PLEKHA1: variants seen among roughly 807,000 people sequenced by gnomAD.
The protein encoded by PLEKHA1 is pleckstrin homology domain-containing family A member 1.
Under a neutral mutation model 52.0 loss-of-function variants are expected in PLEKHA1, and 34 were observed. The ratio of observed to expected loss-of-function variants is 0.65; its 90% CI spans 0.50 to 0.87. The LOEUF (loss-of-function observed/expected upper bound fraction) is 0.87. Ranked by LOEUF, PLEKHA1 falls within the 40% of genes least tolerant of loss-of-function variation. The pLI is 0.00. For synonymous variants in PLEKHA1, 163 were observed against 170.7 expected (o/e 0.95, Z 0.35); for missense variants, 497 against 504.2 (o/e 0.99, Z 0.14).
chr10:122,404,882 G>T (rs550835122), intron 4 of PLEKHA1, among the ~76,000 whole-genome samples: 1 of 152,294 alleles, frequency 6.6e-6, no homozygotes, highest in Non-Finnish European at 1.5e-5. Context: ...TTTTCCTTGA[G>T]AGTTTGCATT....
chr10:122,441,669 C>A, the PLEKHA1 span: 4 of 152,216 alleles, frequency 2.6e-5, no homozygotes, highest in African/African-American at 9.6e-5. Context: ...GTGCATGAAC[C>A]GGCTCTGACC....
Position 122,430,536 on chromosome 10 carries a change from G to A in PLEKHA1, c.*598G>A, listed in dbSNP as rs2097407287. On this transcript the variant is annotated 3_prime_UTR_variant, in exon 12 of 12. Transcript: ENST00000368990. ...TGGATAGACCAACAGTAAGGGTTGT[G>A]GGTTATACCGGCATAGAGAAAAGAA... The A allele has an allele frequency of 6.6e-6, 1 of 152,586 alleles. No individual in the cohort carries two copies. The highest frequency in any genetic ancestry group is 1.5e-5 in the Non-Finnish European group (1 of 68,068). 9.5% of individuals were successfully genotyped at this position (152,586 alleles called of 1,614,324 possible).
chr10:122,425,007 A>G, intron 10 of PLEKHA1, 48 bp downstream of exon 10: 1 of 1,494,054 alleles, frequency 6.7e-7, no homozygotes. Flanking sequence ...AAAGAAATTA[A>G]TAATATTAGA....
chr10:122,429,725 C>G lies in PLEKHA1; in HGVS notation c.1002C>G (p.Val334=). The G allele has an allele frequency of 6.2e-7, 1 of 1,614,152 alleles. No homozygotes were observed. The highest frequency in any genetic ancestry group is 8.5e-7 in the Non-Finnish European group (1 of 1,180,028). Residue 334 remains valine, a synonymous_variant, in exon 12 of 12, where the codon GTC becomes GTG. Coordinates refer to ENST00000368990, the MANE Select transcript of PLEKHA1 (RefSeq NM_001001974.4). ...CAGCCTCTCGCAGCAACTCTTTGGTCTCAACCTTTACCATGGAGAAGCGAG... is the reference window on the plus strand; with the variant it reads ...CAGCCTCTCGCAGCAACTCTTTGGTGTCAACCTTTACCATGGAGAAGCGAG... The part of the protein sequence containing the change: ...HSTASRSNSL[V]STFTMEKRGF...
chr10:122,439,480 C>G, the PLEKHA1 span: 1 of 151,546 alleles, frequency 6.6e-6, no homozygotes, highest in Non-Finnish European at 1.5e-5. Flanking sequence ...GCCTGTAATC[C>G]TAGCATTTTG....
At chr10:122,411,183 T>C (rs1260324527) in intron 5 of PLEKHA1, among the ~76,000 whole-genome samples, 2 of 152,164 alleles carry the variant, frequency 1.3e-5, no homozygotes, top group Non-Finnish European at 2.9e-5. Flanking sequence ...TTCTCTCTCT[T>C]TTGTTTCTGC....
intron 1 of PLEKHA1, among the ~76,000 whole-genome samples, chr10:122,380,780 C>A (rs773431166): frequency 3.9e-5 from 6 of 151,922 alleles, no homozygotes; most frequent in African/African-American, 1.5e-4. Context: ...AATTGGTCGG[C>A]GGTGGTGGGG....
rs749948712 is a variant in PLEKHA1 at position 122,429,947 on chromosome 10, C to T, written c.*9C>T. The T allele has an allele frequency of 1.9e-5, 30 of 1,599,778 alleles. No individual in the cohort carries two copies. The highest frequency in any genetic ancestry group is 4.5e-5 in the East Asian group (2 of 44,782). On this transcript the variant is annotated 3_prime_UTR_variant, in exon 12 of 12. Transcript: ENST00000368990. ...CGGTCAGTGACGTGTGAGGCAGAAG[C>T]GCACGGAGCCTGCCTGCCTCTGCCG...
At chr10:122,392,557 G>A (rs544832580) in intron 1 of PLEKHA1, among the ~76,000 whole-genome samples, 24 of 152,178 alleles carry the variant, frequency 1.6e-4, no homozygotes, top group African/African-American at 5.5e-4. Flanking sequence ...TTTTTAGAGA[G>A]GATGGTGTAG....
chr10:122,384,966 AT>A (rs1211425677), intron 1 of PLEKHA1, among the ~76,000 whole-genome samples: 3 of 151,696 alleles, frequency 2.0e-5, no homozygotes, highest in Non-Finnish European at 2.9e-5. Context: ...CAAAAAAAGA[AT>A]TTTTTTTTAA....
chr10:122,389,341 C>G (rs1187666832), intron 1 of PLEKHA1, among the ~76,000 whole-genome samples: 1 of 152,158 alleles, frequency 6.6e-6, no homozygotes, highest in African/African-American at 2.4e-5. Flanking sequence ...TGACCACGTG[C>G]ATTGTCAGTG....
At position 122,380,007 on chromosome 10, in the gene PLEKHA1, G is replaced by A. The variant is rs377556856; in HGVS notation, c.-21+5201G>A. 1.3e-4 allele frequency among the ~76,000 whole-genome samples: 20 copies of A among 152,178 alleles called. No homozygotes were observed. In the East Asian group the frequency reaches 2.5e-3, roughly 19 times the overall value. ...GCTGAAGGAGAAATTTGGGTTGGGA[G>A]GCATGTTAATAATATAATTGTGTCT... On this transcript the variant is annotated intron_variant, in intron 1 of 11. Coordinates refer to ENST00000368990, the MANE Select transcript of PLEKHA1 (RefSeq NM_001001974.4).
Position 122,395,174 on chromosome 10 carries a change from T to G in PLEKHA1, c.141+1833T>G, listed in dbSNP as rs1420072544. Among the ~76,000 whole-genome samples, 4 of 152,034 alleles carry G rather than the reference T, an allele frequency of 2.6e-5. No homozygotes were observed. The East Asian group carries it at 7.7e-4, about 29-fold the overall frequency. ...ATGGCGTGTTTGGAGACTAGATCAC[T>G]TTGGCTATAGCACTCAGCTAGGTCT... On this transcript the variant is annotated intron_variant, in intron 2 of 11. Coordinates refer to ENST00000368990, the MANE Select transcript of PLEKHA1 (RefSeq NM_001001974.4).
intron 8 of PLEKHA1, chr10:122,418,474 C>G (rs2097211071): frequency 6.6e-6 from 1 of 152,334 alleles, no homozygotes; most frequent in South Asian, 2.1e-4. Flanking sequence ...TTCAAAGTAC[C>G]TATCTACTAA....
Position 122,393,313 on chromosome 10 carries a change from GT to G in PLEKHA1, c.116del (p.Phe39SerfsTer35), listed in dbSNP as rs775522109. The G allele has an allele frequency of 6.2e-7, 1 of 1,612,028 alleles. No homozygotes were observed. Among genetic ancestry groups the G allele is most frequent in the South Asian group, 1.1e-5 (1 of 90,428 alleles). On this transcript the variant is annotated frameshift_variant, in exon 2 of 12. Coordinates refer to ENST00000368990, the MANE Select transcript of PLEKHA1 (RefSeq NM_001001974.4). LOFTEE classifies it high-confidence loss of function. The surrounding 1 kb of genome is among the most constrained non-coding windows in gnomAD (Gnocchi z 4.5). ...RYFILDTRED[S>X]FVWYMDNPQN... is the part of the protein sequence containing the mutation. ...TTCATACTGGATACCAGAGAAGATA[GT>G]TTCGTGTGGTACATGGATAATCCAC...
At chr10:122,428,437 T>G in intron 11 of PLEKHA1, 1 of 1,428,866 alleles carries the variant, frequency 7.0e-7, no homozygotes, top group Non-Finnish European at 9.2e-7. Context: ...TTAACCAAAC[T>G]GCCTTTTGCA....
intron 5 of PLEKHA1, among the ~76,000 whole-genome samples, chr10:122,410,861 A>G (rs1017345982): frequency 6.6e-6 from 1 of 152,172 alleles, no homozygotes; most frequent in Non-Finnish European, 1.5e-5. Flanking sequence ...ACCTCTTAGC[A>G]GCACCTCTCA....
At chr10:122,379,357 A>G (rs908471657) in intron 1 of PLEKHA1, among the ~76,000 whole-genome samples, 19 of 152,194 alleles carry the variant, frequency 1.2e-4, no homozygotes, top group African/African-American at 3.9e-4. Flanking sequence ...CATACAGACT[A>G]CTTAAGTCTG....
chr10:122,411,474 T>C (rs2097105844), intron 5 of PLEKHA1, among the ~76,000 whole-genome samples: 1 of 152,206 alleles, frequency 6.6e-6, no homozygotes, highest in Non-Finnish European at 1.5e-5. Flanking sequence ...CCCTCTTTTC[T>C]ACAAATCTGG....
Sources: allele counts gnomAD v4.1 joint callset (sites outside exome capture counted in the v4.1 genomes callset), GRCh38; gene constraint gnomAD v4.1.1; non-coding constraint Gnocchi (gnomAD v3.1); transcripts MANE v1.5; gene names NCBI Gene and HGNC (gene_info 2026-07-23, HGNC 2026-07-21).